Variants in CHRM3 observed in about 807,000 individuals in gnomAD.
CHRM3 encodes the protein muscarinic acetylcholine receptor M3.
In CHRM3, 11 loss-of-function variants were observed where a neutral mutation model predicts 41.8. The observed-to-expected ratio is 0.26, with a 90% CI of 0.17 to 0.44. The LOEUF is 0.44. Among genes scored for constraint, CHRM3 ranks in the 20% least tolerant of loss-of-function variants. The pLI, the probability that CHRM3 is intolerant of heterozygous loss-of-function variation, is 1.00. For synonymous variants in CHRM3, 297 were observed against 301.4 expected (o/e 0.99, Z 0.15); for missense variants, 571 against 745.4 (o/e 0.77, Z 2.72).
At chr1:239,443,809 T>C (rs893099345) in intron 1 of CHRM3, among the ~76,000 whole-genome samples, 4 of 152,228 alleles carry the variant, frequency 2.6e-5, no homozygotes, top group Non-Finnish European at 5.9e-5. Context: ...AGGGTAGATA[T>C]ATCCAAAATT....
At chr1:239,536,777 A>G (rs1327675813) in intron 2 of CHRM3, among the ~76,000 whole-genome samples, 2 of 152,170 alleles carry the variant, frequency 1.3e-5, no homozygotes, top group Non-Finnish European at 2.9e-5. Flanking sequence ...AGATTTTAGA[A>G]TCAGTTATAC....
At chr1:239,407,370 A>G (rs1660674253) in intron 1 of CHRM3, among the ~76,000 whole-genome samples, 1 of 150,662 alleles carries the variant, frequency 6.6e-6, no homozygotes, top group Admixed American at 6.6e-5. Flanking sequence ...GTTAACGCCC[A>G]CTACAATATG....
At chr1:239,895,736 G>A (rs538567775) in intron 6 of CHRM3, among the ~76,000 whole-genome samples, 64 of 152,252 alleles carry the variant, frequency 4.2e-4, no homozygotes, top group African/African-American at 1.4e-3. Flanking sequence ...CAAACACGGC[G>A]TGTTCTCACT....
intron 1 of CHRM3, among the ~76,000 whole-genome samples, chr1:239,470,619 T>C (rs751189918): frequency 6.6e-6 from 1 of 152,188 alleles, no homozygotes; most frequent in Non-Finnish European, 1.5e-5. Flanking sequence ...CCCTGCCTTC[T>C]TCCTCGGACT....
At chr1:239,407,465 C>T (rs1029284219) in intron 1 of CHRM3, among the ~76,000 whole-genome samples, 1 of 138,656 alleles carries the variant, frequency 7.2e-6, no homozygotes, top group African/African-American at 2.5e-5. Flanking sequence ...GTTTCTAGAA[C>T]GCTATCTGTC....
intron 6 of CHRM3, among the ~76,000 whole-genome samples, chr1:239,848,544 A>G (rs1674457808): frequency 1.3e-5 from 2 of 152,154 alleles, no homozygotes; most frequent in South Asian, 4.1e-4. Flanking sequence ...ATATCACTTT[A>G]TCCTCATATT....
rs113866651 is a variant in CHRM3 at position 239,446,125 on chromosome 1, T to C, written c.-520-46584T>C. 9.6e-3 allele frequency among the ~76,000 whole-genome samples: 1,467 copies of C among 152,148 alleles called. 13 individuals carry two copies. The highest frequency in any genetic ancestry group is 0.027 in the African/African-American group (1,108 of 41,524). On this transcript the variant is annotated intron_variant, in intron 1 of 6. Coordinates refer to ENST00000676153, the MANE Select transcript of CHRM3 (RefSeq NM_001375978.1). ...CTAATTTTTGTATTTTTAGTAGAGA[T>C]GGGGTTTCACCATGTTGGCCAGGAT...
At chr1:239,513,169 C>T (rs1161795208) in intron 2 of CHRM3, among the ~76,000 whole-genome samples, 3 of 152,154 alleles carry the variant, frequency 2.0e-5, no homozygotes, top group African/African-American at 7.2e-5. Flanking sequence ...TAGTGTGAAA[C>T]ATAGTAGAAG....
chr1:239,656,341 G>C (rs61834784), intron 4 of CHRM3, among the ~76,000 whole-genome samples: 1 of 151,760 alleles, frequency 6.6e-6, no homozygotes, highest in Non-Finnish European at 1.5e-5. Flanking sequence ...TAAAAAAAGG[G>C]TTAGGTATGA....
rs546813983 is a variant in CHRM3, at chr1:239,405,671, G to A, written c.-521+18444G>A. ...TACTGATTTTTGCCAGTAGATGGCA[G>A]ACAACTGCATTTGTGTGTCCAATGA... On this transcript the variant is annotated intron_variant, in intron 1 of 6. Transcript: ENST00000676153. 3.2e-4 allele frequency among the ~76,000 whole-genome samples: 48 copies of A among 152,172 alleles called. 1 individual carries two copies. The Middle Eastern group carries it at 0.01, about 32-fold the overall frequency.
intron 5 of CHRM3, among the ~76,000 whole-genome samples, chr1:239,821,485 T>G (rs1259295104): frequency 1.3e-5 from 2 of 152,158 alleles, no homozygotes; most frequent in Admixed American, 6.5e-5. Flanking sequence ...ATGTACATTC[T>G]GATTGCCCCT....
rs1680574212 is a variant in CHRM3, at chr1:239,915,113, G to C, written c.*5889G>C. Reference sequence around the variant, plus strand: ...GCAGGAAGCTCTCAGGGAAATGTCTGTGAATCATTTAAAGATGCTCTCTGG... The same window carrying C: ...GCAGGAAGCTCTCAGGGAAATGTCTCTGAATCATTTAAAGATGCTCTCTGG... On this transcript the variant is annotated 3_prime_UTR_variant, in exon 7 of 7. Transcript: ENST00000676153. The C allele has an allele frequency of 6.0e-6, 1 of 167,080 alleles. No individual in the cohort carries two copies. The highest frequency in any genetic ancestry group is 6.5e-5 in the Admixed American group (1 of 15,280). 10.3% of individuals were successfully genotyped at this position (167,080 alleles called of 1,614,324 possible).
intron 2 of CHRM3, among the ~76,000 whole-genome samples, chr1:239,534,654 TGGCCA>T (rs1572632520): frequency 1.3e-5 from 2 of 152,208 alleles, no homozygotes; most frequent in East Asian, 1.9e-4. Flanking sequence ...GATGGAAATT[TGGCCA>T]AATCCAACCT....
chr1:239,694,860 C>T (rs1660035328), intron 5 of CHRM3, among the ~76,000 whole-genome samples: 1 of 151,994 alleles, frequency 6.6e-6, no homozygotes, highest in African/African-American at 2.4e-5. Flanking sequence ...TTAATACAGG[C>T]TACACTTTTA....
chr1:239,494,808 T>C (rs1206582098), intron 2 of CHRM3, among the ~76,000 whole-genome samples: 1 of 152,196 alleles, frequency 6.6e-6, no homozygotes, highest in Non-Finnish European at 1.5e-5. Context: ...TTTGGTTTTC[T>C]GTTCCTGCAT....
At chr1:239,906,311 AT>A (rs1213831388) in intron 6 of CHRM3, among the ~76,000 whole-genome samples, 5 of 152,108 alleles carry the variant, frequency 3.3e-5, no homozygotes, top group South Asian at 4.1e-4. Flanking sequence ...ATTGTTGAAG[AT>A]TTTTTTTAAC....
intron 5 of CHRM3, chr1:239,718,973 T>A (rs907127542): frequency 1.3e-5 from 2 of 152,110 alleles, no homozygotes; most frequent in East Asian, 3.9e-4. Flanking sequence ...GCTTAGAAGT[T>A]ATGAGTTTAG....
chr1:239,707,128 T>C (rs1661269033), intron 5 of CHRM3: 1 of 152,178 alleles, frequency 6.6e-6, no homozygotes, highest in Admixed American at 6.5e-5. Flanking sequence ...TTAACATCTA[T>C]GTAAGGTGGG....
chr1:239,868,224 G>A (rs751175007), intron 6 of CHRM3, among the ~76,000 whole-genome samples: 8 of 152,294 alleles, frequency 5.3e-5, no homozygotes, highest in South Asian at 2.1e-4. Flanking sequence ...GAACTCCTGC[G>A]GCGTGATGCC....
Sources: gnomAD v4.1 joint callset for allele counts (sites outside exome capture counted in the v4.1 genomes callset) on GRCh38, gnomAD v4.1.1 for gene constraint, MANE v1.5 for transcripts, NCBI Gene and HGNC (gene_info 2026-07-23, HGNC 2026-07-21) for gene names.